The following F8 variants were observed in gnomAD, a reference collection of about 807,000 sequenced individuals.
F8 encodes the protein antihemophilic factor.
F8 carries 12 observed loss-of-function variants against 140.6 expected under a neutral mutation model. The observed-to-expected ratio is 0.09, with a 90% CI of 0.05 to 0.14. F8 has a LOEUF of 0.14. F8 is among the 10% of genes least tolerant of loss of function. The pLI is 1.00. For synonymous variants in F8, 585 were observed against 614.6 expected (o/e 0.95, Z 0.71); for missense variants, 1,354 against 1,720.7 (o/e 0.79, Z 3.77).
intron 14 of F8, among the ~76,000 whole-genome samples, chrX:154,925,058 T>C (rs1478260203): frequency 8.9e-6 from 1 of 112,453 alleles, no homozygotes; most frequent in Non-Finnish European, 1.9e-5. Flanking sequence ...GGGATTAACA[T>C]TCGGCTCCTC....
intron 1 of F8, among the ~76,000 whole-genome samples, chrX:155,006,031 A>G (rs782305799): frequency 8.9e-6 from 1 of 112,462 alleles, no homozygotes; most frequent in African/African-American, 3.2e-5. Context: ...AAAAAGAGAG[A>G]AAAAAGGAGA....
Position 154,860,411 on chromosome X carries a change from TTTCC to T in F8, c.6900+17_6900+20del, listed in dbSNP as rs781806012. ...GGTATTTTTTTTCTTTCTTTCTTTCTTTCCAAGGAGACCAGCTTACCTTTACTTT... is the reference window on the plus strand; with the variant it reads ...GGTATTTTTTTTCTTTCTTTCTTTCTAAGGAGACCAGCTTACCTTTACTTT... On this transcript the variant is annotated intron_variant, in intron 25 of 25. Transcript: ENST00000360256. 8 of 1,203,523 alleles carry T rather than the reference TTTCC, an allele frequency of 6.6e-6. No individual in the cohort carries two copies. The highest frequency in any genetic ancestry group is 4.4e-5 in the Admixed American group (2 of 45,664).
chrX:154,930,721 G>A lies in F8; in HGVS notation c.3069C>T (p.Ser1023=). ...SISLLKTNKT[S]NNSATNRKTH... ...TCTTTCTATTAGTTGCTGAATTATT[G>A]GAAGTTTTGTTTGTCTTTAACAAAG... Residue 1023 remains serine, a synonymous_variant, in exon 14 of 26, where the codon TCC becomes TCT. Coordinates refer to ENST00000360256, the MANE Select transcript of F8 (RefSeq NM_000132.4). The A allele has an allele frequency of 8.3e-7, 1 of 1,208,279 alleles. No individual in the cohort carries two copies.
intron 22 of F8, among the ~76,000 whole-genome samples, chrX:154,877,005 G>T (rs1471385865): frequency 8.9e-6 from 1 of 112,259 alleles, no homozygotes; most frequent in East Asian, 2.8e-4. Flanking sequence ...AGAAGTAGAA[G>T]AAGTTTTGAA....
chrX:154,965,942 C>T, intron 9 of F8, 28 bp downstream of exon 9: 2 of 1,204,552 alleles, frequency 1.7e-6, no homozygotes, highest in Non-Finnish European at 2.2e-6. Context: ...TTCTTCTTAC[C>T]TGACCTTAAA....
chrX:154,913,563 G>A (rs1367062446), intron 14 of F8, among the ~76,000 whole-genome samples: 10 of 112,731 alleles, frequency 8.9e-5, no homozygotes, highest in Non-Finnish European at 1.7e-4. Context: ...TACAATAGGG[G>A]TACAGGCATT....
At chrX:154,876,542 T>G (rs2072818226) in intron 22 of F8, among the ~76,000 whole-genome samples, 1 of 112,056 alleles carries the variant, frequency 8.9e-6, no homozygotes. Context: ...TTCTTTTTTA[T>G]AAATATATCT....
chrX:154,971,045 C>T (rs2073454078), intron 6 of F8, among the ~76,000 whole-genome samples: 1 of 111,173 alleles, frequency 9.0e-6, no homozygotes, highest in East Asian at 2.8e-4. Context: ...CTTCATTATT[C>T]TCTTGGGTTG....
chrX:154,880,418 G>A (rs1343709484), intron 22 of F8, among the ~76,000 whole-genome samples: 3 of 111,498 alleles, frequency 2.7e-5, no homozygotes, highest in Admixed American at 9.5e-5. Flanking sequence ...CAGAGATGGG[G>A]AGTCCAGGCT....
intron 4 of F8, 116 bp downstream of exon 4, chrX:154,992,820 A>G: frequency 1.5e-6 from 1 of 656,260 alleles, no homozygotes. Flanking sequence ...GCATGATGCT[A>G]GAGTAAAAAA....
intron 22 of F8, among the ~76,000 whole-genome samples, chrX:154,891,085 T>TG (rs1471152318): frequency 8.8e-6 from 1 of 113,092 alleles, no homozygotes; most frequent in Non-Finnish European, 1.9e-5. Context: ...GTAGTGCTCT[T>TG]GCACTGGTCT....
In F8 at chrX:154,930,838, C is replaced by A. The variant is rs782148632; in HGVS notation, c.2952G>T (p.Ser984=). Residue 984 remains serine (S), a synonymous_variant, in exon 14 of 26, where the codon TCG becomes TCT. Transcript: ENST00000360256. ...TAAATAACCTACCACTCTCTGTTGACGATACATTTTTTCCCCATGAACTTT... is the reference window on the plus strand; with the variant it reads ...TAAATAACCTACCACTCTCTGTTGAAGATACATTTTTTCCCCATGAACTTT... ...SQESSWGKNV[S]STESGRLFKG... is the part of the protein sequence containing the mutation. The A allele has an allele frequency of 1.8e-5, 22 of 1,206,673 alleles. No homozygotes were observed. The Admixed American group carries it at 3.5e-4, about 19-fold the overall frequency.
chrX:154,949,811 A>T (rs1057191819), intron 12 of F8, among the ~76,000 whole-genome samples: 3 of 107,931 alleles, frequency 2.8e-5, no homozygotes, highest in Non-Finnish European at 5.8e-5. Flanking sequence ...TCTGTCTGCC[A>T]GTCTGGAGTG....
intron 11 of F8, among the ~76,000 whole-genome samples, chrX:154,955,423 T>C (rs1392753940): frequency 1.9e-5 from 2 of 104,175 alleles, no homozygotes; most frequent in African/African-American, 7.1e-5. Flanking sequence ...CCTCCCAAAG[T>C]GCTGAGATTA....
chrX:154,958,863 G>A (rs5945263), intron 10 of F8, among the ~76,000 whole-genome samples: 5,868 of 110,709 alleles, frequency 0.053, 185 homozygotes, highest in Non-Finnish European at 0.085. Flanking sequence ...TGATCTGCCC[G>A]CCTCGGCCTC....
At chrX:154,876,219 A>C (rs1557274004) in intron 22 of F8, among the ~76,000 whole-genome samples, 1 of 103,052 alleles carries the variant, frequency 9.7e-6, no homozygotes, top group Non-Finnish European at 1.9e-5. Context: ...TCCCGGGTTC[A>C]CGCCATTCTC....
chrX:155,022,371 A>G (rs2073763955), intron 1 of F8, 39 bp downstream of exon 1: 1 of 1,193,869 alleles, frequency 8.4e-7, no homozygotes, highest in African/African-American at 1.7e-5. Flanking sequence ...CATCCCCACA[A>G]TCCTGGCCCC....
chrX:154,896,311 G>A, intron 21 of F8, 79 bp from the exon 22 acceptor site: 1 of 1,041,829 alleles, frequency 9.6e-7, no homozygotes, highest in Non-Finnish European at 1.3e-6. Context: ...ATTAGCTTAG[G>A]AAGAATCTAC....
rs369708376 is a variant in F8 at position 154,928,800 on chromosome X, G to A, written c.4990C>T (p.Arg1664Cys). 5.0e-6 allele frequency: 6 copies of A among 1,211,494 alleles called. No homozygotes were observed. The highest frequency in any genetic ancestry group is 3.5e-5 in the African/African-American group (2 of 57,796). ...LCSQNPPVLK[R>C]HQREITRTTL... is the part of the protein sequence containing the mutation. ...GTACGAGTTATTTCCCGTTGATGGC[G>A]TTTCAAGACTGGTGGGTTTTGAGAG... Residue 1664 changes from arginine (R) to cysteine (C), a missense_variant, in exon 14 of 26, where the codon CGC becomes TGC. Around this residue, in one of 4 missense-constraint regions of F8, gnomAD observed 658 missense variants for 666.5 expected, o/e 0.99. Coordinates refer to ENST00000360256, the MANE Select transcript of F8 (RefSeq NM_000132.4).
Sources: allele counts gnomAD v4.1 joint callset (sites outside exome capture counted in the v4.1 genomes callset), GRCh38; gene constraint gnomAD v4.1.1; regional missense constraint gnomAD v4.1.1; transcripts MANE v1.5; gene names NCBI Gene and HGNC (gene_info 2026-07-23, HGNC 2026-07-21).